The following DESI2 variants were observed in gnomAD, a reference collection of about 807,000 sequenced individuals.
DESI2 encodes the protein desumoylating isopeptidase 2.
Under a neutral mutation model 24.1 loss-of-function variants are expected in DESI2, and 10 were observed. The ratio of observed to expected loss-of-function variants is 0.41; its 90% confidence interval spans 0.26 to 0.70. The LOEUF is 0.70. DESI2 is among the 30% of genes least tolerant of loss of function. The pLI, the probability that DESI2 is intolerant of heterozygous loss-of-function variation, is 0.29. For synonymous variants in DESI2, 71 were observed against 87.7 expected (o/e 0.81, Z 1.06); for missense variants, 122 against 234.9 (o/e 0.52, Z 3.14).
At chr1:244,682,196 G>C (rs1347214224) in intron 1 of DESI2, among the ~76,000 whole-genome samples, 1 of 152,062 alleles carries the variant, frequency 6.6e-6, no homozygotes, top group Non-Finnish European at 1.5e-5. Context: ...TGCTGGCTTG[G>C]GTGGCCAGCT....
In DESI2 at chr1:244,686,647, A is replaced by G. The variant is rs769356492; in HGVS notation, c.93A>G (p.Ser31=). 7 of 1,607,080 alleles carry G rather than the reference A, an allele frequency of 4.4e-6. No individual in the cohort carries two copies. The South Asian group carries it at 6.6e-5, about 15-fold the overall frequency. Residue 31 remains serine, a synonymous_variant, in exon 2 of 5, where the codon TCA becomes TCG. Transcript: ENST00000302550. ...CCATTGGAATTGGAGTTTTTCATTC[A>G]GGAATTGAAGTCTATGGCAGAGGTA... The part of the protein sequence containing the change: ...TSSIGIGVFH[S]GIEVYGREFA...
rs578025920 is a variant in DESI2 at position 244,690,224 on chromosome 1, C to T, written c.209+882C>T. ...CCTAATGCTATCCCTCCCCCAGGCTCCCACCCCGCGACAGGCCCTGGTGTG... is the reference window on the plus strand; with the variant it reads ...CCTAATGCTATCCCTCCCCCAGGCTTCCACCCCGCGACAGGCCCTGGTGTG... On this transcript the variant is annotated intron_variant, in intron 3 of 4. Transcript: ENST00000302550. Among the ~76,000 whole-genome samples the T allele has an allele frequency of 1.6e-4, 24 of 152,226 alleles. No individual in the cohort carries two copies. In the South Asian group the frequency reaches 5.0e-3, roughly 32 times the overall value.
At chr1:244,693,719 C>T (rs546599889) in intron 4 of DESI2, among the ~76,000 whole-genome samples, 2 of 152,338 alleles carry the variant, frequency 1.3e-5, no homozygotes, top group East Asian at 3.9e-4. Flanking sequence ...GCGTGAGCCA[C>T]GGCGCCCAGC....
intron 1 of DESI2, among the ~76,000 whole-genome samples, chr1:244,669,571 G>T (rs528309198): frequency 2.0e-4 from 31 of 152,086 alleles, no homozygotes; most frequent in Admixed American, 5.9e-4. Flanking sequence ...CTAGCTATTT[G>T]GGAGGCTGAG....
intron 1 of DESI2, among the ~76,000 whole-genome samples, chr1:244,659,454 A>G (rs949755382): frequency 6.6e-6 from 1 of 152,188 alleles, no homozygotes; most frequent in African/African-American, 2.4e-5. Context: ...GATTGTTAAC[A>G]GAATTCAGTT....
chr1:244,695,522 G>A (rs927702913), intron 4 of DESI2, among the ~76,000 whole-genome samples: 6 of 151,962 alleles, frequency 3.9e-5, no homozygotes, highest in Non-Finnish European at 8.8e-5. Context: ...GCGTGGTGGC[G>A]GGCACCTGTA....
chr1:244,699,380 G>A (rs773033622), intron 4 of DESI2, among the ~76,000 whole-genome samples: 7 of 151,802 alleles, frequency 4.6e-5, no homozygotes, highest in South Asian at 2.1e-4. Context: ...TCAAGAGATC[G>A]AGACCATCCT....
rs148827277 is a variant in DESI2, at chr1:244,691,148, G to A, written c.210-731G>A. 1.5e-3 allele frequency among the ~76,000 whole-genome samples: 222 copies of A among 152,072 alleles called. 1 individual carries two copies. Among genetic ancestry groups the A allele is most frequent in the African/African-American group, 5.2e-3 (214 of 41,446 alleles). ...CTGTCACCCTGGCTGGAGTACAGTG[G>A]TACGATCTCGGCTCACTGCAACCTC... On this transcript the variant is annotated intron_variant, in intron 3 of 4. Coordinates refer to ENST00000302550, the MANE Select transcript of DESI2 (RefSeq NM_016076.5).
At chr1:244,695,335 C>G (rs1419174784) in intron 4 of DESI2, among the ~76,000 whole-genome samples, 2 of 152,172 alleles carry the variant, frequency 1.3e-5, no homozygotes, top group South Asian at 2.1e-4. Flanking sequence ...AAATGCCACT[C>G]GTCTAATCTA....
intron 1 of DESI2, among the ~76,000 whole-genome samples, chr1:244,659,312 A>G (rs1184082340): frequency 6.6e-6 from 1 of 152,216 alleles, no homozygotes; most frequent in Non-Finnish European, 1.5e-5. Context: ...TTAAAACAAC[A>G]CAAATTTATC....
intron 1 of DESI2, among the ~76,000 whole-genome samples, chr1:244,680,076 C>G (rs1264830998): frequency 6.8e-6 from 1 of 146,580 alleles, no homozygotes; most frequent in Non-Finnish European, 1.5e-5. Flanking sequence ...TCATTCACTT[C>G]CTTTAATTGC....
intron 4 of DESI2, among the ~76,000 whole-genome samples, chr1:244,704,149 A>G (rs1677596923): frequency 6.6e-6 from 1 of 152,216 alleles, no homozygotes; most frequent in African/African-American, 2.4e-5. Context: ...TTTTAGGGAG[A>G]AAAGGTACAC....
intron 4 of DESI2, among the ~76,000 whole-genome samples, chr1:244,699,474 C>T (rs530633470): frequency 3.4e-5 from 5 of 148,878 alleles, no homozygotes; most frequent in Non-Finnish European, 7.4e-5. Context: ...CCCAGCTACT[C>T]GGGAGGCTGA....
chr1:244,703,852 G>A (rs1677581814), intron 4 of DESI2, among the ~76,000 whole-genome samples: 1 of 152,042 alleles, frequency 6.6e-6, no homozygotes, highest in Non-Finnish European at 1.5e-5. Flanking sequence ...TAGAGATGGG[G>A]TTTCACTGTG....
At chr1:244,679,515 A>G (rs1050536837) in intron 1 of DESI2, among the ~76,000 whole-genome samples, 1 of 152,214 alleles carries the variant, frequency 6.6e-6, no homozygotes, top group Non-Finnish European at 1.5e-5. Context: ...CACAGATCAC[A>G]TAGAAAGTAA....
intron 4 of DESI2, among the ~76,000 whole-genome samples, chr1:244,695,103 C>T (rs1677165273): frequency 6.6e-6 from 1 of 152,178 alleles, no homozygotes; most frequent in Non-Finnish European, 1.5e-5. Context: ...GATGTTGGCC[C>T]CACCGGCAGG....
At chr1:244,701,084 A>C (rs1677432696) in intron 4 of DESI2, among the ~76,000 whole-genome samples, 1 of 152,120 alleles carries the variant, frequency 6.6e-6, no homozygotes, top group African/African-American at 2.4e-5. Flanking sequence ...CACAAGAAGG[A>C]ATCAACATTT....
intron 4 of DESI2, chr1:244,694,468 G>A (rs1024893811): frequency 3.8e-5 from 30 of 787,126 alleles, no homozygotes; most frequent in African/African-American, 2.7e-4. Context: ...GCCCTCTTGG[G>A]TTTAGGTGGT....
intron 1 of DESI2, among the ~76,000 whole-genome samples, chr1:244,679,088 G>A (rs1439165415): frequency 6.6e-6 from 1 of 151,942 alleles, no homozygotes; most frequent in African/African-American, 2.4e-5. Context: ...GCTCAGGCTG[G>A]AGTGCAGTGT....
Sources: gnomAD v4.1 joint callset for allele counts (sites outside exome capture counted in the v4.1 genomes callset) on GRCh38, gnomAD v4.1.1 for gene constraint, MANE v1.5 for transcripts, NCBI Gene and HGNC (gene_info 2026-07-23, HGNC 2026-07-21) for gene names.